GPC5: variants seen among roughly 807,000 people sequenced by gnomAD.
GPC5 encodes the protein glypican-5.
GPC5 carries 47 observed loss-of-function variants against 53.9 expected under a neutral mutation model. The ratio of observed to expected loss-of-function variants is 0.87; its 90% CI spans 0.69 to 1.11. GPC5 has a LOEUF of 1.11. Among genes scored for constraint, GPC5 ranks in the 50% most tolerant of loss-of-function variants. The probability of loss-of-function intolerance (pLI) is 0.00; values close to 1 mark genes in which losing one functional copy is unlikely to be tolerated. For synonymous variants in GPC5, 286 were observed against 263.3 expected (o/e 1.09, Z -0.84); for missense variants, 748 against 713.1 (o/e 1.05, Z -0.56).
intron 7 of GPC5, among the ~76,000 whole-genome samples, chr13:92,224,666 G>A (rs946418829): frequency 1.3e-5 from 2 of 152,172 alleles, no homozygotes; most frequent in Admixed American, 6.5e-5. Context: ...TATGTACTAG[G>A]CAGAGGGTGT....
Position 92,674,211 on chromosome 13 carries a change from C to T in GPC5, c.1562-192071C>T, listed in dbSNP as rs181906170. 8.3e-4 allele frequency among the ~76,000 whole-genome samples: 127 copies of T among 152,222 alleles called. 1 individual carries two copies. The highest frequency in any genetic ancestry group is 2.8e-3 in the African/African-American group (117 of 41,550). ...GGAGCTGCACATTCAAGCTTTGACA[C>T]GTTCCTCTCACTGGGTTCATCTAAT... On this transcript the variant is annotated intron_variant, in intron 7 of 7. Coordinates refer to ENST00000377067, the MANE Select transcript of GPC5 (RefSeq NM_004466.6).
At chr13:91,830,238 G>C (rs2038634767) in intron 5 of GPC5, among the ~76,000 whole-genome samples, 1 of 152,048 alleles carries the variant, frequency 6.6e-6, no homozygotes, top group Non-Finnish European at 1.5e-5. Flanking sequence ...TCTCCCATTT[G>C]CTTTTGAAAG....
At chr13:91,552,304 T>C (rs1051724352) in intron 2 of GPC5, among the ~76,000 whole-genome samples, 2 of 152,040 alleles carry the variant, frequency 1.3e-5, no homozygotes, top group African/African-American at 4.8e-5. Flanking sequence ...GTGCAGAAGA[T>C]GGACACAGCT....
intron 2 of GPC5, among the ~76,000 whole-genome samples, chr13:91,556,500 G>A (rs1284374404): frequency 6.6e-6 from 1 of 150,676 alleles, no homozygotes; most frequent in Non-Finnish European, 1.5e-5. Flanking sequence ...ATCAATGAGT[G>A]GATAAAGAAA....
chr13:92,778,581 T>C (rs1477808835), intron 7 of GPC5, among the ~76,000 whole-genome samples: 1 of 152,206 alleles, frequency 6.6e-6, no homozygotes, highest in Non-Finnish European at 1.5e-5. Flanking sequence ...TTGATACTAA[T>C]TCCAATGCCA....
At chr13:91,902,061 CCAAG>C (rs1300599050) in intron 5 of GPC5, among the ~76,000 whole-genome samples, 1 of 151,940 alleles carries the variant, frequency 6.6e-6, no homozygotes, top group Non-Finnish European at 1.5e-5. Context: ...TCAAAAAATT[CCAAG>C]ACAGACCCCT....
At chr13:92,190,793 T>C (rs1028397327) in intron 7 of GPC5, among the ~76,000 whole-genome samples, 1 of 151,780 alleles carries the variant, frequency 6.6e-6, no homozygotes, top group Non-Finnish European at 1.5e-5. Context: ...AGGCAGAAGG[T>C]AGAAGAAAAA....
chr13:92,704,922 GATAT>G (rs915627926), intron 7 of GPC5, among the ~76,000 whole-genome samples: 8 of 150,368 alleles, frequency 5.3e-5, no homozygotes, highest in Admixed American at 4.7e-4. Context: ...CACTTATATG[GATAT>G]ATATATACTT....
In GPC5 at chr13:92,096,447, T is replaced by G. The variant is rs2041422813; in HGVS notation, c.1402-48383T>G. 2.0e-5 allele frequency among the ~76,000 whole-genome samples: 3 copies of G among 152,172 alleles called. No individual in the cohort carries two copies. The South Asian group carries it at 6.2e-4, about 32-fold the overall frequency. On this transcript the variant is annotated intron_variant, in intron 6 of 7. Transcript: ENST00000377067. ...TTGTGATTGGCAGCATAATTCTCCC[T>G]CCCTGGAAGCTGTGTATATATAGGT...
intron 2 of GPC5, among the ~76,000 whole-genome samples, chr13:91,634,849 G>T (rs1415606271): frequency 6.6e-6 from 1 of 152,058 alleles, no homozygotes; most frequent in Non-Finnish European, 1.5e-5. Flanking sequence ...AAGAGACAGA[G>T]AATAATTTAT....
chr13:91,971,428 C>A (rs2040241348), intron 6 of GPC5, among the ~76,000 whole-genome samples: 1 of 152,116 alleles, frequency 6.6e-6, no homozygotes, highest in Non-Finnish European at 1.5e-5. Context: ...CTCCTAGATT[C>A]ACTAATTTTT....
intron 7 of GPC5, among the ~76,000 whole-genome samples, chr13:92,865,807 G>T (rs1364918890): frequency 1.3e-5 from 2 of 152,024 alleles, no homozygotes; most frequent in African/African-American, 4.8e-5. Context: ...ATTTGAAAAA[G>T]ATCTTAGGCC....
intron 5 of GPC5, among the ~76,000 whole-genome samples, chr13:91,768,873 C>T (rs1202686547): frequency 6.6e-6 from 1 of 152,158 alleles, no homozygotes; most frequent in African/African-American, 2.4e-5. Context: ...TACAGTTCTA[C>T]AGAGGTAAGT....
intron 7 of GPC5, among the ~76,000 whole-genome samples, chr13:92,239,313 A>T (rs2042592688): frequency 6.6e-6 from 1 of 152,010 alleles, no homozygotes; most frequent in African/African-American, 2.4e-5. Context: ...CCATCTTAAA[A>T]ATGAACAAGG....
intron 7 of GPC5, among the ~76,000 whole-genome samples, chr13:92,704,830 T>TAC (rs1052475070): frequency 4.7e-5 from 6 of 128,022 alleles, no homozygotes; most frequent in Non-Finnish European, 5.0e-5. Context: ...TACATATATA[T>TAC]ACACACACAC....
intron 1 of GPC5, among the ~76,000 whole-genome samples, chr13:91,428,733 A>G (rs576796646): frequency 1.3e-5 from 2 of 148,188 alleles, no homozygotes; most frequent in African/African-American, 2.5e-5. Context: ...TTTGAAAGGA[A>G]TTTTTTTTTT....
intron 6 of GPC5, among the ~76,000 whole-genome samples, chr13:91,941,421 T>C (rs892442690): frequency 3.3e-5 from 5 of 152,140 alleles, no homozygotes; most frequent in African/African-American, 1.2e-4. Context: ...TATTACCCTG[T>C]CTCTATCTCC....
chr13:91,640,864 C>A (rs2034408896), intron 2 of GPC5, among the ~76,000 whole-genome samples: 1 of 151,236 alleles, frequency 6.6e-6, no homozygotes, highest in South Asian at 2.1e-4. Flanking sequence ...ATAGCAAAGA[C>A]ATGAAATAAA....
intron 6 of GPC5, among the ~76,000 whole-genome samples, chr13:92,010,656 C>G (rs887549563): frequency 2.6e-5 from 4 of 152,146 alleles, no homozygotes; most frequent in African/African-American, 9.7e-5. Context: ...AGATACATCA[C>G]AGCCCTCTCT....
Sources: allele counts gnomAD v4.1 joint callset (sites outside exome capture counted in the v4.1 genomes callset), GRCh38; gene constraint gnomAD v4.1.1; transcripts MANE v1.5; gene names NCBI Gene and HGNC (gene_info 2026-07-23, HGNC 2026-07-21).